Variants in DST observed in about 807,000 individuals in gnomAD.
The protein encoded by DST is bullous pemphigoid antigen.
Under a neutral mutation model 875.2 loss-of-function variants are expected in DST, and 253 were observed. The observed-to-expected ratio is 0.29, with a 90% confidence interval of 0.26 to 0.32. DST has a LOEUF of 0.32. DST is among the 10% of genes least tolerant of loss of function. The pLI is 1.00. For missense variants in DST, 8,287 were observed against 9,111.6 expected (o/e 0.91, Z 3.68); for synonymous variants, 3,124 against 3,197.1 (o/e 0.98, Z 0.77).
chr6:56,518,735 C>T (rs1301025581), intron 69 of DST, among the ~76,000 whole-genome samples: 1 of 152,080 alleles, frequency 6.6e-6, no homozygotes, highest in Non-Finnish European at 1.5e-5. Flanking sequence ...ACAGTACCAA[C>T]CATAAATGAT....
chr6:56,763,580 A>G (rs1020189975), intron 4 of DST, among the ~76,000 whole-genome samples: 14 of 151,864 alleles, frequency 9.2e-5, no homozygotes, highest in Admixed American at 2.6e-4. Context: ...GCTGAGGAAC[A>G]AGAATCACTT....
chr6:56,801,566 G>A (rs898268076), intron 4 of DST, among the ~76,000 whole-genome samples: 4 of 151,702 alleles, frequency 2.6e-5, no homozygotes, highest in South Asian at 2.1e-4. Flanking sequence ...ACCCCAACCC[G>A]CCAAATATGT....
chr6:56,741,480 C>T (rs13219546), intron 4 of DST, among the ~76,000 whole-genome samples: 37,689 of 152,094 alleles, frequency 0.25, 6,369 homozygotes, highest in African/African-American at 0.48. Context: ...CATGAGAAGG[C>T]TTCCACAATG....
chr6:56,669,524 A>C (rs2099089100), intron 10 of DST, among the ~76,000 whole-genome samples: 1 of 149,292 alleles, frequency 6.7e-6, no homozygotes, highest in Admixed American at 6.7e-5. Context: ...TGAACCTGGG[A>C]GGTGGAGGCT....
At chr6:56,938,108 C>CTCTCTCTCTCTATATATA (rs1383243392) in intron 2 of DST, among the ~76,000 whole-genome samples, 50 of 120,748 alleles carry the variant, frequency 4.1e-4, no homozygotes, top group African/African-American at 1.6e-3. Flanking sequence ...CTCTCTCTCT[C>CTCTCTCTCTCTATATATA]TATATATATA....
intron 85 of DST, among the ~76,000 whole-genome samples, chr6:56,491,919 A>T (rs1310871325): frequency 6.6e-6 from 1 of 152,222 alleles, no homozygotes. Flanking sequence ...AGAAAAAGAA[A>T]ACAAACCCAA....
At chr6:56,516,836 C>T (rs894157102) in intron 71 of DST, among the ~76,000 whole-genome samples, 9 of 151,850 alleles carry the variant, frequency 5.9e-5, no homozygotes, top group Admixed American at 5.9e-4. Flanking sequence ...ATTAAGAGGC[C>T]CAAATGTCTC....
chr6:56,487,524 G>C (rs1319885402), intron 86 of DST, among the ~76,000 whole-genome samples: 1 of 152,122 alleles, frequency 6.6e-6, no homozygotes, highest in African/African-American at 2.4e-5. Flanking sequence ...AACAGGTTTT[G>C]GGTTAGATGA....
intron 2 of DST, among the ~76,000 whole-genome samples, chr6:56,952,661 T>G (rs1449582648): frequency 6.6e-6 from 1 of 152,222 alleles, no homozygotes; most frequent in East Asian, 1.9e-4. Context: ...GATTTTTCTT[T>G]ACACAATTTC....
chr6:56,838,079 T>C (rs889089570), intron 4 of DST, among the ~76,000 whole-genome samples: 1 of 152,096 alleles, frequency 6.6e-6, no homozygotes, highest in Non-Finnish European at 1.5e-5. Context: ...GTCTTTCCTG[T>C]TTTTTATTCA....
chr6:56,522,508 T>C (rs2096725734), intron 69 of DST, among the ~76,000 whole-genome samples: 1 of 152,182 alleles, frequency 6.6e-6, no homozygotes, highest in African/African-American at 2.4e-5. Context: ...TCCACTTTGC[T>C]TGTCTTTATT....
Position 56,605,390 on chromosome 6 carries a change from T to C in DST, c.9238A>G (p.Asn3080Asp). ...NRHLKLLPGK[N>D]TRDSFKLINS... ...ATTAACTTGAAACTATCCCTTGTAT[T>C]TTTACCAGGCAAAAGTTTGAGATGC... Residue 3080 changes from asparagine (N) to aspartate (D), a missense_variant, in exon 40 of 104, where the codon AAT (asparagine) becomes GAT (aspartate). Physicochemically the swap from Asn to Asp is conservative, Grantham distance 23. Coordinates refer to ENST00000680361, the MANE Select transcript of DST (RefSeq NM_001374736.1). 3 of 1,612,686 alleles carry C rather than the reference T, an allele frequency of 1.9e-6. No individual in the cohort carries two copies. The highest frequency in any genetic ancestry group is 2.5e-6 in the Non-Finnish European group (3 of 1,179,214).
chr6:56,851,889 C>G, intron 3 of DST: 1 of 1,550,036 alleles, frequency 6.5e-7, no homozygotes, highest in Non-Finnish European at 8.7e-7. Flanking sequence ...GGTCCGGCCA[C>G]CAGCTCACAA....
intron 9 of DST, among the ~76,000 whole-genome samples, chr6:56,682,350 T>C (rs2099161043): frequency 6.6e-6 from 1 of 152,128 alleles, no homozygotes; most frequent in South Asian, 2.1e-4. Context: ...TTTTACCTTT[T>C]CACTTCACAT....
intron 4 of DST, among the ~76,000 whole-genome samples, chr6:56,800,044 A>G (rs940308262): frequency 2.6e-5 from 4 of 152,182 alleles, no homozygotes; most frequent in African/African-American, 4.8e-5. Context: ...AAGCCAAAAC[A>G]TTTCTCTGAC....
chr6:56,608,674 C>T lies in DST; in HGVS notation c.5954G>A (p.Arg1985Lys), dbSNP rs764912278. 1.2e-6 allele frequency: 2 copies of T among 1,613,114 alleles called. No individual in the cohort carries two copies. Among genetic ancestry groups the T allele is most frequent in the Non-Finnish European group, 1.7e-6 (2 of 1,179,542 alleles). ...AGAAAGAAGCTGTGCACTTAACAAC[C>T]TAAACATGGTTTCACGGTCTATGAG... is the stretch of plus-strand genomic sequence containing the variant. ...EGLIDRETMF[R>K]LLSAQLLSGG... Residue 1985 changes from arginine (R) to lysine (K), a missense_variant, in exon 40 of 104, where the codon AGG becomes AAG. Physicochemically the swap from Arg to Lys is conservative, Grantham distance 26. Coordinates refer to ENST00000680361, the MANE Select transcript of DST (RefSeq NM_001374736.1).
intron 72 of DST, among the ~76,000 whole-genome samples, chr6:56,513,134 T>C (rs558198059): frequency 6.6e-6 from 1 of 152,136 alleles, no homozygotes; most frequent in Non-Finnish European, 1.5e-5. Context: ...AAATGCTACA[T>C]CTCTGCTGAT....
At chr6:56,926,600 C>G (rs532218592) in intron 2 of DST, among the ~76,000 whole-genome samples, 37 of 152,140 alleles carry the variant, frequency 2.4e-4, no homozygotes, top group Non-Finnish European at 1.8e-4. Context: ...CATGAAGGCA[C>G]TGAAAAGAAA....
intron 3 of DST, among the ~76,000 whole-genome samples, chr6:56,856,016 T>C (rs1231562574): frequency 6.6e-6 from 1 of 152,214 alleles, no homozygotes; most frequent in African/African-American, 2.4e-5. Flanking sequence ...GGACCTACTA[T>C]ATTGTGTCTT....
Sources: allele counts gnomAD v4.1 joint callset (sites outside exome capture counted in the v4.1 genomes callset), GRCh38; gene constraint gnomAD v4.1.1; transcripts MANE v1.5; gene names NCBI Gene and HGNC (gene_info 2026-07-23, HGNC 2026-07-21).